Variants in KRABD2 observed in about 807,000 individuals in gnomAD.
KRABD2 encodes KRAB domain containing 2.
At chr17:8,369,309 G>T in the KRABD2 span, 16 of 1,614,030 alleles carry the variant, frequency 9.9e-6, no homozygotes, top group South Asian at 1.8e-4. Flanking sequence ...CTCTTCTTCC[G>T]TTTGTAAAGT....
chr17:8,364,216 A>G, the KRABD2 span, among the ~76,000 whole-genome samples: 2 of 152,196 alleles, frequency 1.3e-5, no homozygotes, highest in Admixed American at 1.3e-4. This position sits in a 1 kb window ranked among gnomAD's most constrained non-coding sequence, Gnocchi z 4.4. Context: ...TTTAGGGGTC[A>G]GACTTCATTT....
the KRABD2 span, chr17:8,373,705 G>A: frequency 1.2e-5 from 2 of 160,006 alleles, no homozygotes; most frequent in Non-Finnish European, 1.3e-5. Context: ...CTTCCCGGCC[G>A]CCATCCCGTC....
the KRABD2 span, among the ~76,000 whole-genome samples, chr17:8,368,263 ATGTCT>A: frequency 6.6e-6 from 1 of 152,184 alleles, no homozygotes. Context: ...GTGTCCAGTG[ATGTCT>A]TTACAAGAGA....
the KRABD2 span, chr17:8,370,057 A>G: frequency 6.3e-5 from 102 of 1,613,956 alleles, no homozygotes; most frequent in Non-Finnish European, 8.3e-5. Flanking sequence ...TGTACATAAT[A>G]CCGTATTCGA....
the KRABD2 span, chr17:8,373,922 G>T: frequency 6.3e-6 from 1 of 159,342 alleles, no homozygotes; most frequent in East Asian, 1.9e-4. Context: ...GAAGTGAGGA[G>T]CCCCTCCGCC....
chr17:8,366,610 G>A, the KRABD2 span, among the ~76,000 whole-genome samples: 1 of 152,162 alleles, frequency 6.6e-6, no homozygotes, highest in Non-Finnish European at 1.5e-5. Flanking sequence ...TCTGAGAAAA[G>A]GGATGGCACA....
chr17:8,376,619 C>G, the KRABD2 span: 1 of 985,818 alleles, frequency 1.0e-6, no homozygotes, highest in Non-Finnish European at 1.2e-6. Context: ...GAGCTGCAGA[C>G]TGAGGAAGGT....
the KRABD2 span, among the ~76,000 whole-genome samples, chr17:8,367,674 A>AC: frequency 2.0e-5 from 3 of 151,776 alleles, no homozygotes; most frequent in Non-Finnish European, 4.4e-5. Flanking sequence ...AAAAAAAAAA[A>AC]AAAAAACAAG....
the KRABD2 span, chr17:8,376,514 C>A: frequency 1.0e-6 from 1 of 993,410 alleles, no homozygotes; most frequent in Non-Finnish European, 1.2e-6. Context: ...GCCTTCCTAC[C>A]CTGACTTCGC....
chr17:8,376,467 C>A, the KRABD2 span: 1 of 1,019,254 alleles, frequency 9.8e-7, no homozygotes, highest in African/African-American at 1.7e-5. Flanking sequence ...CCCGCTTATT[C>A]CTGAGGACCG....
the KRABD2 span, chr17:8,376,017 C>A: frequency 8.1e-7 from 1 of 1,231,566 alleles, no homozygotes; most frequent in African/African-American, 1.6e-5. Context: ...AGCTGATTGC[C>A]ATCTCTCCTT....
the KRABD2 span, chr17:8,373,900 C>T: frequency 2.5e-5 from 4 of 158,516 alleles, no homozygotes; most frequent in South Asian, 3.3e-4. Flanking sequence ...TCTGCCCAGC[C>T]GCCCCGTCTG....
chr17:8,371,269 T>C, the KRABD2 span: 1 of 1,481,406 alleles, frequency 6.8e-7, no homozygotes, highest in Admixed American at 1.7e-5. Flanking sequence ...CCCTTGACAA[T>C]TGTCCACAAG....
the KRABD2 span, chr17:8,370,114 C>A: frequency 6.2e-7 from 1 of 1,614,076 alleles, no homozygotes; most frequent in Non-Finnish European, 8.5e-7. Flanking sequence ...GTGCCCTGTA[C>A]AGAGATCACA....
At chr17:8,373,292 A>T in the KRABD2 span, among the ~76,000 whole-genome samples, 1 of 152,158 alleles carries the variant, frequency 6.6e-6, no homozygotes. Context: ...CTCCTGCCTC[A>T]GCCTGCCGAG....
At chr17:8,369,378 A>C in the KRABD2 span, 1 of 1,614,268 alleles carries the variant, frequency 6.2e-7, no homozygotes, top group Non-Finnish European at 8.5e-7. Context: ...TTTATAGCCA[A>C]ACATTGCCTC....
the KRABD2 span, chr17:8,368,636 A>G: frequency 7.1e-6 from 1 of 140,258 alleles, no homozygotes; most frequent in South Asian, 2.3e-4. Flanking sequence ...TGTGGTGGTA[A>G]TTTTTTTTTT....
chr17:8,372,261 A>C, the KRABD2 span, among the ~76,000 whole-genome samples: 12 of 152,228 alleles, frequency 7.9e-5, no homozygotes, highest in Non-Finnish European at 1.6e-4. The surrounding 1 kb of genome is among the most constrained non-coding windows in gnomAD (Gnocchi z 4.1). Context: ...TAAATCACTA[A>C]CTTAATAACA....
the KRABD2 span, chr17:8,369,988 G>A: frequency 8.7e-6 from 14 of 1,613,936 alleles, no homozygotes; most frequent in African/African-American, 6.7e-5. Flanking sequence ...ATGCGTGTCC[G>A]CCCACCATGT....
Sources: gnomAD v4.1 joint callset for allele counts (sites outside exome capture counted in the v4.1 genomes callset) on GRCh38, gnomAD v4.1.1 for gene constraint, Gnocchi (gnomAD v3.1) non-coding constraint, MANE v1.5 for transcripts, NCBI Gene and HGNC (gene_info 2026-07-23, HGNC 2026-07-21) for gene names.